FRY: variants seen among roughly 807,000 people sequenced by gnomAD.
FRY encodes the protein protein furry homolog.
In FRY, 128 loss-of-function variants were observed where a neutral mutation model predicts 348.4. The observed-to-expected ratio is 0.37, with a 90% confidence interval of 0.32 to 0.43. The LOEUF is 0.43. Among genes scored for constraint, FRY ranks in the 20% least tolerant of loss-of-function variants. The probability of loss-of-function intolerance (pLI) is 1.00; values close to 1 mark genes in which losing one functional copy is unlikely to be tolerated. For missense variants in FRY, 2,736 were observed against 3,695.2 expected (o/e 0.74, Z 6.73); for synonymous variants, 1,370 against 1,374.7 (o/e 1.00, Z 0.08).
chr13:32,135,095 A>G lies in FRY; in HGVS notation c.989A>G (p.Asn330Ser). 6.2e-7 allele frequency: 1 copy of G among 1,607,390 alleles called. No individual in the cohort carries two copies. The highest frequency in any genetic ancestry group is 8.5e-7 in the Non-Finnish European group (1 of 1,173,882). The change falls in exon 10 of 61, where the codon AAT becomes AGT. Residue 330 changes from asparagine (N) to serine (S), a missense_variant. Around this residue, in one of 9 missense-constraint regions of FRY, gnomAD observed 309 missense variants for 418.1 expected, o/e 0.74. Coordinates refer to ENST00000542859, the MANE Select transcript of FRY (RefSeq NM_023037.3). ...ILVPVAAAVK[N>S]EVNVPCLRNF... ...GCATCTCTATTTCAGGCTGTTAAAA[A>G]TGAAGTAAATGTTCCCTGCCTTAGA...
chr13:32,262,174 C>A lies in FRY; in HGVS notation c.7618-140C>A, dbSNP rs148427969. On this transcript the variant is annotated intron_variant, in intron 52 of 60. Transcript: ENST00000542859. Reference sequence around the variant, plus strand: ...TTTCTGAAAATACCTGGATTACTAGCTGCTATGTTTAAGGCCCAATAATGG... The same window carrying A: ...TTTCTGAAAATACCTGGATTACTAGATGCTATGTTTAAGGCCCAATAATGG... 1,039 of 707,366 alleles carry A rather than the reference C, an allele frequency of 1.5e-3. 10 individuals are homozygous for A. The East Asian group carries it at 0.027, about 18-fold the overall frequency. The allele number at this position is 707,366 out of a possible 1,614,324, so 43.8% of individuals were successfully genotyped here.
intron 36 of FRY, among the ~76,000 whole-genome samples, chr13:32,221,890 A>C (rs1885334546): frequency 6.6e-6 from 1 of 152,194 alleles, no homozygotes; most frequent in African/African-American, 2.4e-5. Flanking sequence ...TGTGCCAGGC[A>C]CCATTGTAGG....
chr13:32,203,423 G>A (rs1884162011), intron 31 of FRY, among the ~76,000 whole-genome samples: 1 of 152,172 alleles, frequency 6.6e-6, no homozygotes, highest in Admixed American at 6.5e-5. Flanking sequence ...ATGCAGAATT[G>A]CTAAAGAATT....
chr13:32,084,669 A>G (rs139808054), intron 2 of FRY, among the ~76,000 whole-genome samples: 211 of 152,360 alleles, frequency 1.4e-3, no homozygotes, highest in African/African-American at 4.7e-3. Context: ...TAATTAGTAT[A>G]GACTAAACTA....
At chr13:32,204,921 A>G (rs1214652421) in intron 31 of FRY, among the ~76,000 whole-genome samples, 1 of 152,200 alleles carries the variant, frequency 6.6e-6, no homozygotes, top group East Asian at 1.9e-4. Flanking sequence ...ATATGCAATC[A>G]AGCCAAGCAC....
At chr13:32,215,083 G>T (rs1364299769) in intron 35 of FRY, among the ~76,000 whole-genome samples, 1 of 152,120 alleles carries the variant, frequency 6.6e-6, no homozygotes, top group Admixed American at 6.5e-5. Flanking sequence ...CTAATGGGAG[G>T]GTAAGACAGT....
intron 27 of FRY, 46 bp downstream of exon 27, chr13:32,186,466 T>C: frequency 8.3e-7 from 1 of 1,203,504 alleles, no homozygotes; most frequent in Non-Finnish European, 1.2e-6. Flanking sequence ...ATGGATGGTC[T>C]CTCTCGTTAA....
chr13:32,239,244 TA>T lies in FRY; in HGVS notation c.6419-6del. Reference sequence around the variant, plus strand: ...TCAGCTATCTCCATTGTATCTTCTCTAATCCAGGGTTTCCACTGAATGTCTT... The same window carrying T: ...TCAGCTATCTCCATTGTATCTTCTCTATCCAGGGTTTCCACTGAATGTCTT... On this transcript the variant is annotated splice_polypyrimidine_tract_variant and splice_region_variant and intron_variant, in intron 44 of 60. Coordinates refer to ENST00000542859, the MANE Select transcript of FRY (RefSeq NM_023037.3). The surrounding 1 kb of genome is among the most constrained non-coding windows in gnomAD (Gnocchi z 4.3). 1 of 1,537,956 alleles carries T rather than the reference TA, an allele frequency of 6.5e-7. No individual in the cohort carries two copies. The highest frequency in any genetic ancestry group is 9.0e-7 in the Non-Finnish European group (1 of 1,110,658).
At chr13:32,179,150 T>C (rs753124820) in intron 22 of FRY, 117 bp downstream of exon 22, 1 of 743,340 alleles carries the variant, frequency 1.3e-6, no homozygotes, top group Non-Finnish European at 2.3e-6. Context: ...GGGATCAGAT[T>C]TTCATCCTAC....
At chr13:32,124,553 T>C in intron 5 of FRY, 49 bp from the exon 6 acceptor site, 1 of 1,113,964 alleles carries the variant, frequency 9.0e-7, no homozygotes, top group Non-Finnish European at 1.4e-6. Flanking sequence ...CTGTACCGAT[T>C]TGTTCTTTAA....
intron 20 of FRY, among the ~76,000 whole-genome samples, chr13:32,177,407 T>C (rs1305891160): frequency 6.6e-6 from 1 of 151,988 alleles, no homozygotes; most frequent in Non-Finnish European, 1.5e-5. Flanking sequence ...CTGACCAACA[T>C]GGTGAAACCC....
At chr13:32,213,165 G>A (rs140110905) in intron 35 of FRY, among the ~76,000 whole-genome samples, 5 of 152,268 alleles carry the variant, frequency 3.3e-5, no homozygotes, top group African/African-American at 1.2e-4. Context: ...GTAATTTAGG[G>A]GATCCAGTGG....
At chr13:32,223,024 G>C (rs1885395943) in intron 36 of FRY, among the ~76,000 whole-genome samples, 1 of 152,062 alleles carries the variant, frequency 6.6e-6, no homozygotes, top group African/African-American at 2.4e-5. Flanking sequence ...CATGATCTCG[G>C]CTCACTGCAA....
intron 59 of FRY, among the ~76,000 whole-genome samples, 192 bp downstream of exon 59, chr13:32,289,935 G>C (rs1436976741): frequency 6.6e-6 from 1 of 152,220 alleles, no homozygotes; most frequent in African/African-American, 2.4e-5. Flanking sequence ...GTCAGGAGTA[G>C]GTATGGAAAG....
chr13:32,149,217 C>CTA (rs35267646), intron 13 of FRY, among the ~76,000 whole-genome samples: 7,908 of 147,380 alleles, frequency 0.054, 218 homozygotes, highest in African/African-American at 0.068. Flanking sequence ...ACCTGTTATA[C>CTA]TATATATATA....
intron 51 of FRY, among the ~76,000 whole-genome samples, chr13:32,259,079 G>A (rs1306633235): frequency 1.3e-5 from 2 of 152,166 alleles, no homozygotes; most frequent in Non-Finnish European, 2.9e-5. Flanking sequence ...GACATATACA[G>A]AGTGTTCATC....
At chr13:32,216,531 C>T (rs1027105189) in intron 35 of FRY, among the ~76,000 whole-genome samples, 8 of 152,172 alleles carry the variant, frequency 5.3e-5, no homozygotes, top group African/African-American at 1.4e-4. Flanking sequence ...ATTTAAAACC[C>T]GACATAGAGC....
chr13:32,232,044 C>G (rs953460719), intron 41 of FRY, among the ~76,000 whole-genome samples: 1 of 152,130 alleles, frequency 6.6e-6, no homozygotes, highest in Non-Finnish European at 1.5e-5. Context: ...TACTAAAAAA[C>G]AAAAGATACT....
chr13:32,078,104 CTG>C (rs1875221095), intron 1 of FRY, among the ~76,000 whole-genome samples: 1 of 152,218 alleles, frequency 6.6e-6, no homozygotes, highest in Admixed American at 6.5e-5. Context: ...GTGTCTGACT[CTG>C]TTGCATTCTG....
Sources: gnomAD v4.1 joint callset for allele counts (sites outside exome capture counted in the v4.1 genomes callset) on GRCh38, gnomAD v4.1.1 for gene constraint, gnomAD v4.1.1 regional missense constraint, Gnocchi (gnomAD v3.1) non-coding constraint, MANE v1.5 for transcripts, NCBI Gene and HGNC (gene_info 2026-07-23, HGNC 2026-07-21) for gene names.